OR1F1: variants seen among roughly 807,000 people sequenced by gnomAD.
OR1F1 encodes olfactory receptor 1F1.
For missense variants in OR1F1, 493 were observed against 376.3 expected, an observed-to-expected ratio of 1.31 and a Z score of -2.57; for synonymous variants, 184 against 156.7, an observed-to-expected ratio of 1.17 and a Z score of -1.30.
exon 1 of OR1F1, chr16:3,204,734 T>G: frequency 6.2e-7 from 1 of 1,614,142 alleles, no homozygotes; most frequent in Non-Finnish European, 8.5e-7. Context: ...ACCCTGCTGA[T>G]GGCTCCACTC....
downstream of OR1F1, chr16:3,205,195 C>A (rs751873067): frequency 8.8e-6 from 14 of 1,582,864 alleles, no homozygotes; most frequent in Non-Finnish European, 1.2e-5. Context: ...ATGAAATAAT[C>A]AAGACTGAAT....
the OR1F1 span, among the ~76,000 whole-genome samples, chr16:3,196,218 G>C: frequency 3.2e-4 from 48 of 152,212 alleles, no homozygotes; most frequent in Non-Finnish European, 4.4e-5. Context: ...TGAGCCCTGT[G>C]TTGAGCACAT....
At chr16:3,204,487 A>G in exon 1 of OR1F1, 1 of 1,614,072 alleles carries the variant, frequency 6.2e-7, no homozygotes, top group South Asian at 1.1e-5. Context: ...CGTCCCCAAG[A>G]TGCTGGCCAA....
chr16:3,192,280 T>TCTC, the OR1F1 span, among the ~76,000 whole-genome samples: 7,848 of 152,160 alleles, frequency 0.052, 679 homozygotes, highest in African/African-American at 0.18. Context: ...ATGGTCTTGA[T>TCTC]CTGACCTCGT....
chr16:3,200,809 G>C (rs1439871281), upstream of OR1F1, among the ~76,000 whole-genome samples: 2 of 152,144 alleles, frequency 1.3e-5, no homozygotes, highest in African/African-American at 4.8e-5. Flanking sequence ...CCAAGAACAT[G>C]GTCACATTCT....
At chr16:3,198,709 G>A in the OR1F1 span, among the ~76,000 whole-genome samples, 1 of 152,164 alleles carries the variant, frequency 6.6e-6, no homozygotes, top group Non-Finnish European at 1.5e-5. Context: ...AATCACAGCG[G>A]TGGACGCGGT....
exon 1 of OR1F1, chr16:3,204,532 G>A (rs981396532): frequency 3.1e-6 from 5 of 1,614,112 alleles, no homozygotes; most frequent in African/African-American, 2.7e-5. Flanking sequence ...CTCCTTCTGT[G>A]GCTGTCTCAC....
At chr16:3,189,123 G>A in the OR1F1 span, among the ~76,000 whole-genome samples, 2 of 152,228 alleles carry the variant, frequency 1.3e-5, no homozygotes, top group Admixed American at 6.5e-5. Context: ...GGGGAGAAGG[G>A]AGGACCGGAG....
chr16:3,204,108 C>T, upstream of OR1F1: 1 of 654,406 alleles, frequency 1.5e-6, no homozygotes, highest in Non-Finnish European at 2.6e-6. Flanking sequence ...GTAGCAGCCC[C>T]AGCAGGGTTG....
the OR1F1 span, among the ~76,000 whole-genome samples, chr16:3,193,926 G>A: frequency 2.6e-5 from 4 of 152,144 alleles, no homozygotes; most frequent in Admixed American, 6.5e-5. Flanking sequence ...CTGCCCCAGT[G>A]GCCTGATGGA....
upstream of OR1F1, among the ~76,000 whole-genome samples, chr16:3,200,032 G>C (rs1958119521): frequency 6.6e-6 from 1 of 151,722 alleles, no homozygotes; most frequent in East Asian, 1.9e-4. Flanking sequence ...AAAAAAAGAA[G>C]AAGAACAAAG....
chr16:3,192,922 A>G, the OR1F1 span, among the ~76,000 whole-genome samples: 1 of 152,146 alleles, frequency 6.6e-6, no homozygotes, highest in Non-Finnish European at 1.5e-5. Flanking sequence ...GGGATTAAAA[A>G]AAAAGAGTTT....
At chr16:3,193,583 G>T in the OR1F1 span, among the ~76,000 whole-genome samples, 1 of 152,136 alleles carries the variant, frequency 6.6e-6, no homozygotes, top group African/African-American at 2.4e-5. Context: ...AGGCTGCTGC[G>T]TTGCAAGAAC....
At chr16:3,199,055 G>T in the OR1F1 span, among the ~76,000 whole-genome samples, 1 of 137,744 alleles carries the variant, frequency 7.3e-6, no homozygotes, top group South Asian at 2.4e-4. Context: ...AGGGCAGGAG[G>T]ATCACTTGAG....
the OR1F1 span, among the ~76,000 whole-genome samples, chr16:3,195,735 C>T: frequency 6.6e-6 from 1 of 152,052 alleles, no homozygotes; most frequent in Admixed American, 6.6e-5. Context: ...AGAATCCACC[C>T]TCTTTCTTTT....
chr16:3,205,164 C>T, exon 1 of OR1F1: 1 of 1,609,906 alleles, frequency 6.2e-7, no homozygotes, highest in East Asian at 2.2e-5. Flanking sequence ...AAGTAGTTGG[C>T]AGGGTGGTGT....
At chr16:3,198,103 A>G in the OR1F1 span, among the ~76,000 whole-genome samples, 1,087 of 45,452 alleles carry the variant, frequency 0.024, no homozygotes, top group African/African-American at 0.028. Flanking sequence ...GAGAGGGAGA[A>G]GGAGAGGGAG....
upstream of OR1F1, among the ~76,000 whole-genome samples, chr16:3,203,161 C>G (rs9924466): frequency 6.6e-6 from 1 of 152,112 alleles, no homozygotes; most frequent in African/African-American, 2.4e-5. Flanking sequence ...TCGTCAGTGT[C>G]GGACACAAAA....
chr16:3,192,210 C>G, the OR1F1 span, among the ~76,000 whole-genome samples: 1 of 152,198 alleles, frequency 6.6e-6, no homozygotes, highest in African/African-American at 2.4e-5. Flanking sequence ...GTGCCCGCCA[C>G]CACGCCCGAT....
Sources: gnomAD v4.1 joint callset for allele counts (sites outside exome capture counted in the v4.1 genomes callset) on GRCh38, gnomAD v4.1.1 for gene constraint, MANE v1.5 for transcripts, NCBI Gene and HGNC (gene_info 2026-07-23, HGNC 2026-07-21) for gene names.